Variants in SUGP1 observed in about 807,000 individuals in gnomAD.
The protein encoded by SUGP1 is SURP and G-patch domain containing 1, also known as SURP and G-patch domain-containing protein 1.
A neutral mutation model predicts 76.5 loss-of-function variants in SUGP1; 34 were observed. The ratio of observed to expected loss-of-function variants is 0.44; its 90% CI spans 0.34 to 0.59. The LOEUF is 0.59. Ranked by LOEUF, SUGP1 falls within the 20% of genes least tolerant of loss-of-function variation. The pLI, the probability that SUGP1 is intolerant of heterozygous loss-of-function variation, is 0.01. For missense variants in SUGP1, 752 were observed against 851.7 expected (o/e 0.88, Z 1.46); for synonymous variants, 326 against 326.2 (o/e 1.00, Z 0.01).
intron 2 of SUGP1, among the ~76,000 whole-genome samples, chr19:19,314,766 G>A (rs1163628621): frequency 1.3e-5 from 2 of 152,244 alleles, no homozygotes; most frequent in African/African-American, 4.8e-5. Context: ...CGGGTGCAGT[G>A]GCTCACGCCT....
At chr19:19,277,583 G>T in intron 12 of SUGP1, 151 bp downstream of exon 12, 2 of 1,071,080 alleles carry the variant, frequency 1.9e-6, no homozygotes, top group Non-Finnish European at 2.7e-6. Context: ...TGCACTGCAG[G>T]CCTGTGCCTG....
At chr19:19,303,526 CA>C in intron 5 of SUGP1, 78 bp from the exon 6 acceptor site, 23 of 1,434,976 alleles carry the variant, frequency 1.6e-5, no homozygotes, top group South Asian at 3.5e-5. Context: ...TTCTATCGTG[CA>C]AAAAAAGGCA....
At chr19:19,304,697 G>C (rs901262909) in intron 4 of SUGP1, among the ~76,000 whole-genome samples, 1 of 152,234 alleles carries the variant, frequency 6.6e-6, no homozygotes, top group Admixed American at 6.5e-5. Context: ...CCTTGTAGGA[G>C]ATGCACAAGA....
Position 19,291,889 on chromosome 19 carries a change from TCACACACACA to T in SUGP1, c.1243+5090_1243+5099del, listed in dbSNP as rs541521385. Among the ~76,000 whole-genome samples, 138 of 128,710 alleles carry T rather than the reference TCACACACACA, an allele frequency of 1.1e-3. 1 individual carries two copies. Among genetic ancestry groups the T allele is most frequent in the South Asian group, 1.7e-3 (6 of 3,460 alleles). 84.4% of individuals were successfully genotyped at this position (128,710 alleles called of 152,430 possible). A position where few individuals can be genotyped will look rare whatever the true frequency, so the allele number is the denominator to read the frequency against. On this transcript the variant is annotated intron_variant, in intron 8 of 13. Coordinates refer to ENST00000247001, the MANE Select transcript of SUGP1 (RefSeq NM_172231.4). The stretch of plus-strand genomic sequence containing the variant: ...GCCTGGGTGACAGAGTGAGACTCTG[TCACACACACA>T]CACACACACACACACACACACACAC...
intron 8 of SUGP1, among the ~76,000 whole-genome samples, chr19:19,293,497 T>C (rs1165965416): frequency 4.0e-5 from 6 of 151,832 alleles, no homozygotes; most frequent in African/African-American, 1.5e-4. Flanking sequence ...GGCAGGAGAA[T>C]TGCTTGAACC....
At chr19:19,278,615 C>G (rs1415920950) in intron 11 of SUGP1, 75 bp downstream of exon 11, 1 of 1,354,068 alleles carries the variant, frequency 7.4e-7, no homozygotes, top group East Asian at 2.5e-5. Context: ...CTACTTTGGG[C>G]ACCTGCAGGG....
At chr19:19,283,604 C>G (rs555748234) in intron 8 of SUGP1, among the ~76,000 whole-genome samples, 1 of 152,098 alleles carries the variant, frequency 6.6e-6, no homozygotes, top group East Asian at 1.9e-4. Flanking sequence ...ACAGGTGGCA[C>G]GCCACCACAC....
chr19:19,320,430 G>C, intron 1 of SUGP1, 33 bp downstream of exon 1: 1 of 1,607,046 alleles, frequency 6.2e-7, no homozygotes, highest in South Asian at 1.1e-5. Flanking sequence ...CAGGGACCCA[G>C]GCGGCCGCCT....
intron 8 of SUGP1, among the ~76,000 whole-genome samples, chr19:19,286,907 G>GT (rs2042198342): frequency 6.6e-6 from 1 of 151,860 alleles, no homozygotes; most frequent in Non-Finnish European, 1.5e-5. Flanking sequence ...GCTGGCCGTG[G>GT]TGGCACATGC....
At chr19:19,278,439 T>C (rs2061070943) in intron 11 of SUGP1, among the ~76,000 whole-genome samples, 1 of 152,154 alleles carries the variant, frequency 6.6e-6, no homozygotes, top group Admixed American at 6.5e-5. Flanking sequence ...CTGCACTTAA[T>C]TGGCTCCACT....
At chr19:19,303,208 C>T in intron 6 of SUGP1, 140 bp downstream of exon 6, 1 of 682,938 alleles carries the variant, frequency 1.5e-6, no homozygotes, top group South Asian at 1.7e-5. Flanking sequence ...AGAGTGACCC[C>T]AGATGCCTGG....
chr19:19,296,099 T>C (rs551350287), intron 8 of SUGP1, among the ~76,000 whole-genome samples: 4 of 149,266 alleles, frequency 2.7e-5, no homozygotes, highest in East Asian at 2.0e-4. Flanking sequence ...GGAGGATCAC[T>C]TGAGGACAGA....
chr19:19,293,208 C>T (rs118064953), intron 8 of SUGP1, among the ~76,000 whole-genome samples: 6,048 of 151,690 alleles, frequency 0.04, 202 homozygotes, highest in Non-Finnish European at 0.06. Flanking sequence ...CCGTGCCTGG[C>T]CTGTTTTAAC....
chr19:19,277,247 C>CCAGT (rs1157017321), intron 12 of SUGP1, among the ~76,000 whole-genome samples, 171 bp from the exon 13 acceptor site: 1 of 14,738 alleles, frequency 6.8e-5, no homozygotes, highest in African/African-American at 1.3e-4. Flanking sequence ...ACCCCCGGGG[C>CCAGT]GGGCGGGGGG....
chr19:19,282,645 G>C (rs1308551335), intron 8 of SUGP1, among the ~76,000 whole-genome samples: 2 of 152,016 alleles, frequency 1.3e-5, no homozygotes, highest in Non-Finnish European at 2.9e-5. Context: ...TGAACTACAT[G>C]GGTATGAACT....
rs1293009854 is a variant in SUGP1 at position 19,279,205 on chromosome 19, C to A, written c.1528+8G>T. The A allele has an allele frequency of 2.2e-5, 35 of 1,592,258 alleles. No homozygotes were observed. The highest frequency in any genetic ancestry group is 2.9e-5 in the Non-Finnish European group (34 of 1,170,710). On this transcript the variant is annotated splice_region_variant and intron_variant, in intron 10 of 13. Transcript: ENST00000247001. ...GCCCAGCCCGGCCCACCCCGCTGCCCCACATACCCCTGGTCTTATCCATCT... is the reference window on the plus strand; with the variant it reads ...GCCCAGCCCGGCCCACCCCGCTGCCACACATACCCCTGGTCTTATCCATCT...
Position 19,316,582 on chromosome 19 carries a change from G to A in SUGP1, c.46C>T (p.Arg16Trp), listed in dbSNP as rs143256524. The change falls in exon 2 of 14, where the codon CGG (arginine) becomes TGG (tryptophan). Residue 16 changes from arginine (R) to tryptophan (W), a missense_variant. This residue lies in a region of SUGP1 where 620 missense variants were observed against 617.3 expected (regional missense o/e 1.00). Coordinates refer to ENST00000247001, the MANE Select transcript of SUGP1 (RefSeq NM_172231.4). ...TTAGGGGGAGCAACCCCAAACCACC[G>A]GTTAGCCTTTCCTGGGGAGGGAAAA... ...DNRDVAGKAN[R>W]WFGVAPPKSG... The A allele has an allele frequency of 4.3e-6, 7 of 1,613,658 alleles. No individual in the cohort carries two copies. Among genetic ancestry groups the A allele is most frequent in the South Asian group, 2.2e-5 (2 of 91,058 alleles).
chr19:19,303,714 A>G lies in SUGP1; in HGVS notation c.662+10T>C, dbSNP rs2061291450. 4 of 1,614,114 alleles carry G rather than the reference A, an allele frequency of 2.5e-6. No individual in the cohort carries two copies. The East Asian group carries it at 6.7e-5, about 27-fold the overall frequency. On this transcript the variant is annotated intron_variant, in intron 5 of 13. Transcript: ENST00000247001. ...AACAGCACAGCCTTCCCTTCCCCGG[A>G]GATACTCACGCAAATGCTGGGTTAT...
chr19:19,296,272 C>T (rs1599857095), intron 8 of SUGP1, among the ~76,000 whole-genome samples: 1 of 152,234 alleles, frequency 6.6e-6, no homozygotes, highest in Non-Finnish European at 1.5e-5. Flanking sequence ...AGGAGAATTA[C>T]AGGCCAGACG....
Sources: gnomAD v4.1 joint callset for allele counts (sites outside exome capture counted in the v4.1 genomes callset) on GRCh38, gnomAD v4.1.1 for gene constraint, gnomAD v4.1.1 regional missense constraint, MANE v1.5 for transcripts, NCBI Gene and HGNC (gene_info 2026-07-23, HGNC 2026-07-21) for gene names.